Variants in BIN3 observed in about 807,000 individuals in gnomAD.
BIN3 encodes bridging integrator 3.
In BIN3, 41 loss-of-function variants were observed where a neutral mutation model predicts 38.2. The observed-to-expected ratio is 1.07, with a 90% CI of 0.84 to 1.39. The LOEUF is 1.39. BIN3 is among the 40% of genes most tolerant of loss of function. BIN3 has a pLI of 0.00. For synonymous variants in BIN3, 145 were observed against 122.6 expected (o/e 1.18, Z -1.21); for missense variants, 361 against 324.3 (o/e 1.11, Z -0.87).
At chr8:22,641,808 G>C (rs142519834) in intron 2 of BIN3, among the ~76,000 whole-genome samples, 178 of 152,288 alleles carry the variant, frequency 1.2e-3, no homozygotes, top group African/African-American at 3.1e-3. Flanking sequence ...GTTTCAGGGG[G>C]ACACGAAGAG....
chr8:22,653,463 T>A (rs549697677), intron 1 of BIN3, among the ~76,000 whole-genome samples: 1 of 152,372 alleles, frequency 6.6e-6, no homozygotes, highest in East Asian at 1.9e-4. Context: ...CAATTTTCTC[T>A]CTAGTTTTTA....
chr8:22,623,957 G>C lies in BIN3; in HGVS notation c.573C>G (p.Leu191=). Reference sequence around the variant, plus strand: ...ACTCAAAGCTGGGCTGGAAGTAGTCGAGGCGGCTGCCGTAGAAGCGCGGCA... The same window carrying C: ...ACTCAAAGCTGGGCTGGAAGTAGTCCAGGCGGCTGCCGTAGAAGCGCGGCA... ...EEMPRFYGSR[L]DYFQPSFESL... Residue 191 remains leucine, a synonymous_variant, in exon 8 of 9, where the codon CTC becomes CTG. Coordinates refer to ENST00000276416, the MANE Select transcript of BIN3 (RefSeq NM_018688.6). The C allele has an allele frequency of 6.2e-7, 1 of 1,611,236 alleles. No individual in the cohort carries two copies. Among genetic ancestry groups the C allele is most frequent in the Non-Finnish European group, 8.5e-7 (1 of 1,179,404 alleles).
intron 2 of BIN3, among the ~76,000 whole-genome samples, chr8:22,638,850 T>C (rs1802451726): frequency 6.6e-6 from 1 of 152,214 alleles, no homozygotes; most frequent in Non-Finnish European, 1.5e-5. Flanking sequence ...TTCAACAGAC[T>C]CTTTCTCCAT....
At chr8:22,623,773 G>A (rs1224730185) in intron 8 of BIN3, 142 bp downstream of exon 8, 4 of 1,112,088 alleles carry the variant, frequency 3.6e-6, no homozygotes, top group Non-Finnish European at 1.2e-6. Context: ...TCTGGTAATG[G>A]AATGAATTCC....
At chr8:22,648,975 T>G (rs1802800245) in intron 1 of BIN3, among the ~76,000 whole-genome samples, 1 of 152,120 alleles carries the variant, frequency 6.6e-6, no homozygotes, top group Non-Finnish European at 1.5e-5. Context: ...TTTCCAGCTC[T>G]ACGACATGTA....
At chr8:22,622,027 C>A (rs1385144976) in intron 8 of BIN3, among the ~76,000 whole-genome samples, 8 of 152,228 alleles carry the variant, frequency 5.3e-5, no homozygotes, top group Non-Finnish European at 8.8e-5. Flanking sequence ...CCTTCTGTTC[C>A]CTCCCAACTT....
At chr8:22,643,142 A>G (rs531111192) in intron 2 of BIN3, among the ~76,000 whole-genome samples, 12 of 152,334 alleles carry the variant, frequency 7.9e-5, no homozygotes, top group African/African-American at 2.2e-4. Context: ...CAGATCTGTC[A>G]TGGATTAAAC....
chr8:22,643,084 G>A (rs1250743388), intron 2 of BIN3, among the ~76,000 whole-genome samples: 4 of 152,202 alleles, frequency 2.6e-5, no homozygotes, highest in African/African-American at 9.7e-5. Flanking sequence ...GTTTTTGTTT[G>A]TAGTGAGCAT....
chr8:22,665,112 T>C (rs1358201137), intron 1 of BIN3, among the ~76,000 whole-genome samples: 3 of 152,142 alleles, frequency 2.0e-5, no homozygotes, highest in East Asian at 1.9e-4. Context: ...AGAAGCACTA[T>C]GGAAGTACAG....
intron 1 of BIN3, among the ~76,000 whole-genome samples, chr8:22,649,420 A>C (rs1165429796): frequency 6.6e-6 from 1 of 151,026 alleles, no homozygotes. Context: ...CAACTATTAC[A>C]GAAAAACGTG....
intron 1 of BIN3, among the ~76,000 whole-genome samples, chr8:22,667,130 G>C (rs893605225): frequency 6.6e-6 from 1 of 152,166 alleles, no homozygotes; most frequent in African/African-American, 2.4e-5. Flanking sequence ...TCTCAGCTTT[G>C]AGGGACAAAG....
intron 3 of BIN3, 129 bp from the exon 4 acceptor site, chr8:22,636,715 A>G (rs1468220753): frequency 2.7e-6 from 3 of 1,092,410 alleles, no homozygotes; most frequent in Non-Finnish European, 4.0e-6. Context: ...TTTCCCGCTG[A>G]CTGAAGTGCC....
Position 22,636,535 on chromosome 8 carries a change from G to T in BIN3, c.150C>A (p.Asp50Glu), listed in dbSNP as rs538652645. 1 of 1,552,686 alleles carries T rather than the reference G, an allele frequency of 6.4e-7. No individual in the cohort carries two copies. Among genetic ancestry groups the T allele is most frequent in the Non-Finnish European group, 8.7e-7 (1 of 1,147,632 alleles). ...TGGAAAGTCACCTACCCAGGTCTGC[G>T]TCGGTGCTCTTCTTCATGTCTTTCT... is the stretch of plus-strand genomic sequence containing the variant. Reference protein sequence around the residue: ...RLQKDMKKSTDADLAMSKSAV... With the variant: ...RLQKDMKKSTEADLAMSKSAV... Residue 50 changes from aspartate to glutamate, a missense_variant, in exon 4 of 9, where the codon GAC becomes GAA. Asp to Glu is a conservative substitution (Grantham distance 45). Transcript: ENST00000276416.
intron 4 of BIN3, 54 bp from the exon 5 acceptor site, chr8:22,630,632 C>G: frequency 6.2e-7 from 1 of 1,603,028 alleles, no homozygotes; most frequent in Non-Finnish European, 8.5e-7. Context: ...GTTTCACGGC[C>G]TTCTCTCCAG....
At position 22,669,070 on chromosome 8, in the gene BIN3, G is replaced by C. The variant is rs765998724; in HGVS notation, c.-19C>G. On this transcript the variant is annotated 5_prime_UTR_variant, in exon 1 of 9. Coordinates refer to ENST00000276416, the MANE Select transcript of BIN3 (RefSeq NM_018688.6). ...AGCTCATGGTCCCGAACCTGCGTCT[G>C]CCGCCGGGGTCCTCAGCCACAACTC... The C allele has an allele frequency of 3.1e-6, 5 of 1,591,302 alleles. No homozygotes were observed. The South Asian group carries it at 4.6e-5, about 15-fold the overall frequency.
chr8:22,668,065 C>T (rs191356763), intron 1 of BIN3, among the ~76,000 whole-genome samples: 1 of 152,204 alleles, frequency 6.6e-6, no homozygotes. Flanking sequence ...TCTTGTACAT[C>T]TCTGGGGCTC....
intron 1 of BIN3, among the ~76,000 whole-genome samples, chr8:22,659,870 G>A (rs139728226): frequency 8.0e-4 from 122 of 152,336 alleles, no homozygotes; most frequent in African/African-American, 2.7e-3. Context: ...TTGACACACA[G>A]TAAGCAGTCT....
intron 2 of BIN3, among the ~76,000 whole-genome samples, chr8:22,637,370 T>C (rs1268884601): frequency 1.3e-5 from 2 of 152,112 alleles, no homozygotes; most frequent in East Asian, 3.9e-4. Context: ...GTCTCTGCCT[T>C]TTCCTAGTTT....
At chr8:22,656,064 G>A (rs1370601032) in intron 1 of BIN3, among the ~76,000 whole-genome samples, 6 of 152,004 alleles carry the variant, frequency 3.9e-5, no homozygotes, top group East Asian at 3.9e-4. Flanking sequence ...CACTAGCTGT[G>A]TGCTCTCACC....
Sources: gnomAD v4.1 joint callset for allele counts (sites outside exome capture counted in the v4.1 genomes callset) on GRCh38, gnomAD v4.1.1 for gene constraint, MANE v1.5 for transcripts, NCBI Gene and HGNC (gene_info 2026-07-23, HGNC 2026-07-21) for gene names.